The following INTS9 variants were observed in gnomAD, a reference collection of about 807,000 sequenced individuals.
INTS9 encodes the protein protein related to CPSF subunits of 74 kDa.
Under a neutral mutation model 79.7 loss-of-function variants are expected in INTS9, and 55 were observed. The observed-to-expected ratio is 0.69, with a 90% confidence interval of 0.56 to 0.86. The LOEUF (loss-of-function observed/expected upper bound fraction) is 0.86. INTS9 is among the 40% of genes least tolerant of loss of function. The pLI is 0.00. For synonymous variants in INTS9, 319 were observed against 325.2 expected (o/e 0.98, Z 0.20); for missense variants, 721 against 831.5 (o/e 0.87, Z 1.64).
chr8:28,775,658 A>G, intron 14 of INTS9, 101 bp downstream of exon 14: 1 of 1,303,916 alleles, frequency 7.7e-7, no homozygotes, highest in East Asian at 2.3e-5. Context: ...AGCCTGGTTC[A>G]TTTATACTTG....
intron 9 of INTS9, among the ~76,000 whole-genome samples, chr8:28,795,252 C>A (rs1804141728): frequency 6.6e-6 from 1 of 152,132 alleles, no homozygotes; most frequent in Non-Finnish European, 1.5e-5. Flanking sequence ...CTAACCCCCA[C>A]TGTGATGGTA....
intron 1 of INTS9, among the ~76,000 whole-genome samples, chr8:28,861,100 G>GAT (rs1802963675): frequency 6.6e-6 from 1 of 152,170 alleles, no homozygotes; most frequent in South Asian, 2.1e-4. Context: ...GATCTGAAAA[G>GAT]ATATAAGGCA....
intron 11 of INTS9, among the ~76,000 whole-genome samples, chr8:28,785,787 G>A (rs1425776305): frequency 3.9e-5 from 6 of 152,178 alleles, no homozygotes; most frequent in Non-Finnish European, 5.9e-5. Context: ...ACATGCACAA[G>A]TGGATTTCTT....
rs1806741328 is a variant in INTS9 at position 28,835,294 on chromosome 8, C to G, written c.486G>C (p.Gln162His). The change falls in exon 6 of 17, where the codon CAG becomes CAC. Residue 162 changes from glutamine to histidine, a missense_variant and splice_region_variant. Coordinates refer to ENST00000521022, the MANE Select transcript of INTS9 (RefSeq NM_018250.4). The part of the protein sequence containing the change: ...SASLWKNKDI[Q>H]RLLPSPLKDA... Reference sequence around the variant, plus strand: ...TAAGAGAGTGGTCTGTTCCTCACCTCTGAATGTCCTTATTCTTCCACAAGG... The same window carrying G: ...TAAGAGAGTGGTCTGTTCCTCACCTGTGAATGTCCTTATTCTTCCACAAGG... 1 of 1,612,318 alleles carries G rather than the reference C, an allele frequency of 6.2e-7. No individual in the cohort carries two copies. The highest frequency in any genetic ancestry group is 8.5e-7 in the Non-Finnish European group (1 of 1,178,506).
intron 8 of INTS9, among the ~76,000 whole-genome samples, chr8:28,804,894 T>C (rs1347941215): frequency 6.6e-6 from 1 of 152,194 alleles, no homozygotes; most frequent in Non-Finnish European, 1.5e-5. Flanking sequence ...AGGAGCAGCA[T>C]GAATACAGCT....
At chr8:28,888,469 G>T (rs984170842) in intron 1 of INTS9, among the ~76,000 whole-genome samples, 6 of 152,104 alleles carry the variant, frequency 3.9e-5, no homozygotes, top group Non-Finnish European at 5.9e-5. Flanking sequence ...AGGATCGCTT[G>T]AGTCCGAAAG....
chr8:28,883,342 C>T (rs745717194), intron 1 of INTS9, among the ~76,000 whole-genome samples: 12 of 152,208 alleles, frequency 7.9e-5, no homozygotes, highest in Non-Finnish European at 1.5e-4. Flanking sequence ...CATCTTCCCA[C>T]GTCTGCAATC....
intron 11 of INTS9, among the ~76,000 whole-genome samples, chr8:28,782,892 A>AC (rs1220681640): frequency 2.6e-5 from 4 of 151,954 alleles, no homozygotes; most frequent in Non-Finnish European, 5.9e-5. Context: ...ACACAAAAAA[A>AC]CCCCCAGCAC....
At chr8:28,806,546 A>G (rs756461927) in intron 8 of INTS9, among the ~76,000 whole-genome samples, 2 of 152,226 alleles carry the variant, frequency 1.3e-5, no homozygotes, top group Admixed American at 1.3e-4. Flanking sequence ...ACATATAGAA[A>G]TATTTTACCC....
chr8:28,792,564 T>A (rs911809237), intron 10 of INTS9, among the ~76,000 whole-genome samples: 6 of 143,134 alleles, frequency 4.2e-5, no homozygotes, highest in South Asian at 2.2e-4. Flanking sequence ...AAAAAAAAAA[T>A]TTGTGGAAAA....
chr8:28,866,748 G>A (rs551449929), intron 1 of INTS9, among the ~76,000 whole-genome samples: 26 of 151,882 alleles, frequency 1.7e-4, no homozygotes, highest in Non-Finnish European at 2.2e-4. Context: ...AGGCCGAGGC[G>A]GGCGGGTCAT....
At chr8:28,796,897 ACT>A (rs1804251128) in intron 8 of INTS9, 1 of 409,274 alleles carries the variant, frequency 2.4e-6, no homozygotes, top group African/African-American at 2.0e-5. Context: ...TCACTGGGGC[ACT>A]GATTATATCA....
At chr8:28,781,634 CGAAAAGACATGAAG>C (rs1803273621) in intron 11 of INTS9, among the ~76,000 whole-genome samples, 1 of 152,186 alleles carries the variant, frequency 6.6e-6, no homozygotes, top group South Asian at 2.1e-4. Context: ...TGCCAAGCTA[CGAAAAGACATGAAG>C]GAACCTATTC....
intron 1 of INTS9, among the ~76,000 whole-genome samples, chr8:28,869,136 C>T (rs1808929640): frequency 6.6e-6 from 1 of 152,014 alleles, no homozygotes; most frequent in South Asian, 2.1e-4. Flanking sequence ...AAAAACTATA[C>T]AATGCACAAG....
intron 6 of INTS9, among the ~76,000 whole-genome samples, chr8:28,827,690 T>C (rs1203056835): frequency 6.6e-6 from 1 of 152,212 alleles, no homozygotes; most frequent in Non-Finnish European, 1.5e-5. Flanking sequence ...ATGTTTATTT[T>C]AGATCAAATT....
In INTS9 at chr8:28,787,141, C is replaced by T. The variant is rs56939809; in HGVS notation, c.1098+688G>A. Among the ~76,000 whole-genome samples, 1,353 of 152,210 alleles carry T rather than the reference C, an allele frequency of 8.9e-3. 19 individuals are homozygous for T. The highest frequency in any genetic ancestry group is 0.03 in the African/African-American group (1,229 of 41,510). On this transcript the variant is annotated intron_variant, in intron 11 of 16. Transcript: ENST00000521022. ...GTAGTAGAGCAATAATAACATGAGA[C>T]GCAGAAAAACGTTCATAATATACCC...
intron 5 of INTS9, among the ~76,000 whole-genome samples, chr8:28,836,293 C>T (rs922106525): frequency 1.3e-5 from 2 of 152,080 alleles, no homozygotes; most frequent in Non-Finnish European, 2.9e-5. Flanking sequence ...AGAAATGCTG[C>T]GCTATCAGTT....
intron 4 of INTS9, among the ~76,000 whole-genome samples, chr8:28,838,170 A>G (rs1474103198): frequency 6.6e-6 from 1 of 152,094 alleles, no homozygotes; most frequent in African/African-American, 2.4e-5. Context: ...CCATTGCTAC[A>G]GATTAATGGG....
At chr8:28,838,225 T>C (rs1413247955) in intron 4 of INTS9, among the ~76,000 whole-genome samples, 4 of 151,750 alleles carry the variant, frequency 2.6e-5, no homozygotes, top group Admixed American at 2.0e-4. Context: ...AAAAGCCAGA[T>C]GGAGAGACAA....
Sources: gnomAD v4.1 joint callset for allele counts (sites outside exome capture counted in the v4.1 genomes callset) on GRCh38, gnomAD v4.1.1 for gene constraint, MANE v1.5 for transcripts, NCBI Gene and HGNC (gene_info 2026-07-23, HGNC 2026-07-21) for gene names.